The following NREP variants were observed in gnomAD, a reference collection of about 807,000 sequenced individuals.
The protein encoded by NREP is neuronal regeneration related protein.
In NREP, 5 loss-of-function variants were observed where a neutral mutation model predicts 8.6. That is an observed-to-expected ratio of 0.58 (90% CI 0.30 to 1.22). The LOEUF (loss-of-function observed/expected upper bound fraction) is 1.22. NREP is among the 50% of genes most tolerant of loss of function. NREP has a pLI of 0.07. For missense variants in NREP, 86 were observed against 82.5 expected (o/e 1.04, Z -0.17); for synonymous variants, 27 against 28.0 (o/e 0.96, Z 0.11).
At chr5:111,784,689 C>G (rs1561665324) in intron 2 of NREP, among the ~76,000 whole-genome samples, 2 of 152,116 alleles carry the variant, frequency 1.3e-5, no homozygotes, top group South Asian at 2.1e-4. Context: ...GCATTTTTGA[C>G]TCTCCAAGAA....
intron 2 of NREP, among the ~76,000 whole-genome samples, chr5:111,929,689 G>C (rs993872539): frequency 2.6e-5 from 4 of 152,152 alleles, no homozygotes; most frequent in Admixed American, 2.6e-4. Context: ...AAAATCCTTA[G>C]GGAACTTCTG....
At chr5:111,736,599 G>C (rs186371766) in intron 2 of NREP, among the ~76,000 whole-genome samples, 1 of 152,122 alleles carries the variant, frequency 6.6e-6, no homozygotes, top group Admixed American at 6.6e-5. Context: ...GGTATACCCC[G>C]ATCAATCCAT....
At chr5:111,758,607 G>A (rs1403382800), upstream of NREP, among the ~76,000 whole-genome samples, 2 of 152,036 alleles carry the variant, frequency 1.3e-5, no homozygotes, top group Non-Finnish European at 2.9e-5. Context: ...AGATATAAAG[G>A]ATCATAGTGT....
chr5:111,743,279 C>G (rs1349406430), intron 2 of NREP, among the ~76,000 whole-genome samples: 2 of 150,208 alleles, frequency 1.3e-5, no homozygotes, highest in Non-Finnish European at 3.0e-5. Context: ...AAAAAAAAAT[C>G]AGCCTTTGTT....
At chr5:111,836,177 G>T (rs1316328696) in intron 2 of NREP, among the ~76,000 whole-genome samples, 2 of 152,008 alleles carry the variant, frequency 1.3e-5, no homozygotes, top group African/African-American at 4.8e-5. Context: ...CAGGTAAAAA[G>T]AACATAAACC....
At chr5:111,893,982 C>G (rs1445836483) in intron 2 of NREP, among the ~76,000 whole-genome samples, 2 of 152,000 alleles carry the variant, frequency 1.3e-5, no homozygotes. Flanking sequence ...CCTTGGGAGG[C>G]CGACGCAGGC....
intron 2 of NREP, among the ~76,000 whole-genome samples, chr5:111,902,770 C>T (rs1238795799): frequency 6.6e-6 from 1 of 152,104 alleles, no homozygotes; most frequent in Non-Finnish European, 1.5e-5. Flanking sequence ...TGTTCCTGCT[C>T]CTTCTCATCA....
intron 2 of NREP, among the ~76,000 whole-genome samples, chr5:111,958,188 ATTTTATG>A (rs1412183140): frequency 6.8e-6 from 1 of 147,034 alleles, no homozygotes. Context: ...GATATATTCT[ATTTTATG>A]TTTTATATCT....
intron 2 of NREP, among the ~76,000 whole-genome samples, chr5:111,922,970 G>A (rs116767089): frequency 6.6e-6 from 1 of 152,084 alleles, no homozygotes; most frequent in Non-Finnish European, 1.5e-5. Flanking sequence ...TATTTCATCC[G>A]ATCCTTTCTG....
intron 2 of NREP, among the ~76,000 whole-genome samples, chr5:111,908,582 C>T (rs1754831828): frequency 6.6e-6 from 1 of 152,038 alleles, no homozygotes; most frequent in African/African-American, 2.4e-5. Context: ...TAGCTACATC[C>T]ATGTTGCTGC....
chr5:111,858,436 G>A (rs556620013), intron 2 of NREP, among the ~76,000 whole-genome samples: 13 of 152,144 alleles, frequency 8.5e-5, no homozygotes, highest in Admixed American at 5.9e-4. Context: ...TGTCTTGGTA[G>A]CATCTGTGTT....
intron 2 of NREP, among the ~76,000 whole-genome samples, chr5:111,924,028 C>A (rs993256885): frequency 6.6e-6 from 1 of 152,040 alleles, no homozygotes; most frequent in Admixed American, 6.5e-5. Context: ...TCCTATAATG[C>A]CCAAAAATCC....
At chr5:111,769,048 T>C (rs1751154550) in intron 2 of NREP, among the ~76,000 whole-genome samples, 3 of 152,218 alleles carry the variant, frequency 2.0e-5, no homozygotes, top group Non-Finnish European at 4.4e-5. Flanking sequence ...CTTTTAATAA[T>C]AGGCATTCTG....
intron 2 of NREP, among the ~76,000 whole-genome samples, chr5:111,907,345 C>T (rs540977119): frequency 3.9e-5 from 6 of 152,170 alleles, no homozygotes; most frequent in African/African-American, 9.6e-5. Flanking sequence ...TGATCCATTT[C>T]GTGTTCGTAT....
At chr5:111,964,855 C>CAAAAAAAAAAAAAAAAAAAAA (rs58877839) in intron 2 of NREP, among the ~76,000 whole-genome samples, 23 of 44,888 alleles carry the variant, frequency 5.1e-4, no homozygotes, top group African/African-American at 7.0e-4. Context: ...CTTTCAGCAG[C>CAAAAAAAAAAAAAAAAAAAAA]AAAAAAAAAA....
intron 2 of NREP, among the ~76,000 whole-genome samples, chr5:111,902,678 G>A (rs1000464827): frequency 1.3e-5 from 2 of 152,130 alleles, no homozygotes; most frequent in Admixed American, 6.6e-5. Flanking sequence ...TTACAAGAAC[G>A]TTTTGAGAAA....
chr5:111,799,694 G>A (rs533793083), intron 2 of NREP, among the ~76,000 whole-genome samples: 36 of 152,252 alleles, frequency 2.4e-4, no homozygotes, highest in African/African-American at 5.5e-4. Flanking sequence ...AGTTATTTCC[G>A]ATTTAAGGCT....
intron 2 of NREP, among the ~76,000 whole-genome samples, chr5:111,785,431 A>C (rs1213401): frequency 0.27 from 41,519 of 151,792 alleles, 6,488 homozygotes; most frequent in Non-Finnish European, 0.35. Flanking sequence ...GGCGCATGCC[A>C]CCATGCCGGA....
chr5:111,971,800 A>ATGATGC (rs1170120248), intron 2 of NREP, among the ~76,000 whole-genome samples: 2 of 152,200 alleles, frequency 1.3e-5, no homozygotes, highest in African/African-American at 2.4e-5. Flanking sequence ...AAGCACACTA[A>ATGATGC]GAAACAAAAA....
Sources: allele counts gnomAD v4.1 joint callset (sites outside exome capture counted in the v4.1 genomes callset), GRCh38; gene constraint gnomAD v4.1.1; transcripts MANE v1.5; gene names NCBI Gene and HGNC (gene_info 2026-07-23, HGNC 2026-07-21).